The following EFHD2 variants were observed in gnomAD, a reference collection of about 807,000 sequenced individuals.
EFHD2 encodes the protein EF-hand domain-containing protein D2.
A neutral mutation model predicts 20.3 loss-of-function variants in EFHD2; 12 were observed. That is an observed-to-expected ratio of 0.59 (90% CI 0.38 to 0.96). The LOEUF (loss-of-function observed/expected upper bound fraction) is 0.96, where lower values mean the gene tolerates loss of function less well. Ranked by LOEUF, EFHD2 falls within the 40% of genes least tolerant of loss-of-function variation. EFHD2 has a pLI of 0.00. For missense variants in EFHD2, 250 were observed against 334.3 expected (o/e 0.75, Z 1.97); for synonymous variants, 131 against 143.9 (o/e 0.91, Z 0.64).
intron 1 of EFHD2, among the ~76,000 whole-genome samples, chr1:15,424,350 G>T (rs953618774): frequency 6.6e-6 from 1 of 152,168 alleles, no homozygotes; most frequent in Non-Finnish European, 1.5e-5. Context: ...ACCAGGCTGT[G>T]TGCTCCAGGA....
At chr1:15,425,507 G>A (rs111800119) in intron 1 of EFHD2, among the ~76,000 whole-genome samples, 10,083 of 151,664 alleles carry the variant, frequency 0.066, 808 homozygotes, top group African/African-American at 0.19. Flanking sequence ...CCTGGGCAAC[G>A]GAGCGAGACT....
chr1:15,427,126 C>T (rs760991095), intron 2 of EFHD2, 24 bp from the exon 3 acceptor site: 31 of 1,608,094 alleles, frequency 1.9e-5, no homozygotes, highest in South Asian at 5.5e-5. Flanking sequence ...TTCCTGACAC[C>T]GCGCGCCTCC....
chr1:15,422,114 A>T (rs1707802220), intron 1 of EFHD2, among the ~76,000 whole-genome samples: 1 of 112,594 alleles, frequency 8.9e-6, no homozygotes, highest in Non-Finnish European at 1.7e-5. Flanking sequence ...TTTTTTTGAG[A>T]CAGAGTCTTG....
At chr1:15,427,120 T>TGACACCGCGCGCCTCCCTCCCC (rs746134590) in intron 2 of EFHD2, 30 bp from the exon 3 acceptor site, 1 of 1,606,602 alleles carries the variant, frequency 6.2e-7, no homozygotes, top group Non-Finnish European at 8.5e-7. Context: ...CCTCCCTTCC[T>TGACACCGCGCGCCTCCCTCCCC]GACACCGCGC....
At chr1:15,414,921 C>G (rs1707631154) in intron 1 of EFHD2, among the ~76,000 whole-genome samples, 1 of 152,206 alleles carries the variant, frequency 6.6e-6, no homozygotes, top group African/African-American at 2.4e-5. Context: ...TCTGCCACCA[C>G]CCAGCTGGGT....
At chr1:15,428,469 C>A in intron 3 of EFHD2, 124 bp from the exon 4 acceptor site, 1 of 1,284,654 alleles carries the variant, frequency 7.8e-7, no homozygotes, top group Non-Finnish European at 1.0e-6. Context: ...CGCACTCCAG[C>A]CTGGGCGACA....
At chr1:15,420,708 C>T (rs553627587) in intron 1 of EFHD2, among the ~76,000 whole-genome samples, 20 of 152,170 alleles carry the variant, frequency 1.3e-4, no homozygotes, top group South Asian at 2.1e-4. Context: ...TTAGTAGAGA[C>T]GGAGTTTTAC....
At chr1:15,427,975 G>C (rs201424788) in intron 3 of EFHD2, 2 of 470,956 alleles carry the variant, frequency 4.2e-6, no homozygotes, top group Non-Finnish European at 8.8e-6. Flanking sequence ...GACTCCCTTC[G>C]AGCGCCCTTG....
intron 1 of EFHD2, among the ~76,000 whole-genome samples, chr1:15,424,709 C>T (rs753598892): frequency 3.3e-5 from 5 of 152,196 alleles, no homozygotes; most frequent in African/African-American, 4.8e-5. Flanking sequence ...TTAGATACCC[C>T]TTCATTTATT....
chr1:15,412,158 C>A (rs1042974221), intron 1 of EFHD2, among the ~76,000 whole-genome samples: 2 of 151,924 alleles, frequency 1.3e-5, no homozygotes, highest in East Asian at 3.9e-4. Context: ...TTCTTCCCAG[C>A]AGAAGACTGG....
chr1:15,410,486 C>T lies in EFHD2; in HGVS notation c.308+207C>T, dbSNP rs559859188. Among the ~76,000 whole-genome samples, 22 of 152,248 alleles carry T rather than the reference C, an allele frequency of 1.4e-4. No homozygotes were observed. The South Asian group carries it at 3.1e-3, about 22-fold the overall frequency. ...CGCGCACGTTAGTCTGGGGGACCCC[C>T]GGCCCCTGGCACGCGGCGGAGACTC... On this transcript the variant is annotated intron_variant, in intron 1 of 3. Transcript: ENST00000375980.
At chr1:15,427,315 G>A (rs376383795) in intron 3 of EFHD2, 31 bp downstream of exon 3, 48 of 1,589,592 alleles carry the variant, frequency 3.0e-5, no homozygotes, top group African/African-American at 1.5e-4. Flanking sequence ...CCTGACCCAC[G>A]CTCCAGGACA....
rs374790600 is a variant in EFHD2, at chr1:15,427,213, C to T, written c.520C>T (p.Leu174=). ...TCAGGAGGACAGCGGGCTGTGCGTGCTGGCCCGCCTCTCTGAGATCGACGT... is the reference window on the plus strand; with the variant it reads ...TCAGGAGGACAGCGGGCTGTGCGTGTTGGCCCGCCTCTCTGAGATCGACGT... ...ELQEDSGLCV[L]ARLSEIDVSS... is the part of the protein sequence containing the mutation. The change falls in exon 3 of 4, where the codon CTG becomes TTG. Residue 174 remains leucine (L), a synonymous_variant. Coordinates refer to ENST00000375980, the MANE Select transcript of EFHD2 (RefSeq NM_024329.6). 1.9e-5 allele frequency: 31 copies of T among 1,599,666 alleles called. No individual in the cohort carries two copies. The African/African-American group carries it at 3.9e-4, about 20-fold the overall frequency.
chr1:15,423,978 C>T (rs1363692256), intron 1 of EFHD2, among the ~76,000 whole-genome samples: 2 of 151,998 alleles, frequency 1.3e-5, no homozygotes, highest in Non-Finnish European at 2.9e-5. Context: ...TTGCTTGAGC[C>T]CAGGAGTTTG....
chr1:15,417,392 G>A (rs1707691222), intron 1 of EFHD2, among the ~76,000 whole-genome samples: 1 of 152,188 alleles, frequency 6.6e-6, no homozygotes, highest in Non-Finnish European at 1.5e-5. Flanking sequence ...AGCAAGAAGC[G>A]AAAGGGGGTG....
intron 1 of EFHD2, 147 bp from the exon 2 acceptor site, chr1:15,425,724 T>A: frequency 8.5e-7 from 1 of 1,172,158 alleles, no homozygotes; most frequent in Non-Finnish European, 1.2e-6. Flanking sequence ...ATATGGGTCC[T>A]CTGCCTGGAC....
chr1:15,426,155 C>T lies in EFHD2; in HGVS notation c.456+137C>T. On this transcript the variant is annotated intron_variant, in intron 2 of 3. Coordinates refer to ENST00000375980, the MANE Select transcript of EFHD2 (RefSeq NM_024329.6). The surrounding 1 kb of genome is among the most constrained non-coding windows in gnomAD (Gnocchi z 4.6). ...GAACAGCAGCTGTGAGCAGCTGCTG[C>T]TTGGCTGAGTGAGGCTTCAGAGGGC... 4 of 964,560 alleles carry T rather than the reference C, an allele frequency of 4.1e-6. No homozygotes were observed. Among genetic ancestry groups the T allele is most frequent in the Non-Finnish European group, 5.8e-6 (4 of 694,284 alleles). 59.8% of individuals were successfully genotyped at this position (964,560 alleles called of 1,614,324 possible). A position where few individuals can be genotyped will look rare whatever the true frequency, so the allele number is the denominator to read the frequency against.
At chr1:15,414,445 G>A (rs922130680) in intron 1 of EFHD2, among the ~76,000 whole-genome samples, 5 of 152,272 alleles carry the variant, frequency 3.3e-5, no homozygotes, top group African/African-American at 7.2e-5. Flanking sequence ...TGTTCCTCAC[G>A]CTGGAACAGC....
Position 15,428,672 on chromosome 1 carries a change from A to G in EFHD2, c.671A>G (p.Glu224Gly), listed in dbSNP as rs1292043417. The change falls in exon 4 of 4, where the codon GAG becomes GGG. Residue 224 changes from glutamate (E) to glycine (G), a missense_variant. Physicochemically the swap from Glu to Gly is moderately conservative, Grantham distance 98. Around this residue, in one of 3 missense-constraint regions of EFHD2, gnomAD observed 100 missense variants for 116.2 expected, o/e 0.86. Coordinates refer to ENST00000375980, the MANE Select transcript of EFHD2 (RefSeq NM_024329.6). ...GAGGAAAGGAAGAAGCAGGCGGAGG[A>G]GATGAAGCAGCGGAAAGCGGCCTTC... ...EQEERKKQAE[E>G]MKQRKAAFKE... 1 of 1,606,982 alleles carries G rather than the reference A, an allele frequency of 6.2e-7. No individual in the cohort carries two copies. The highest frequency in any genetic ancestry group is 1.1e-5 in the South Asian group (1 of 90,034).
Sources: gnomAD v4.1 joint callset for allele counts (sites outside exome capture counted in the v4.1 genomes callset) on GRCh38, gnomAD v4.1.1 for gene constraint, gnomAD v4.1.1 regional missense constraint, Gnocchi (gnomAD v3.1) non-coding constraint, MANE v1.5 for transcripts, NCBI Gene and HGNC (gene_info 2026-07-23, HGNC 2026-07-21) for gene names.